SEMA3A: variants seen among roughly 807,000 people sequenced by gnomAD.
SEMA3A encodes the protein semaphorin 3A, also known as semaphorin-3A.
SEMA3A carries 29 observed loss-of-function variants against 97.9 expected under a neutral mutation model. The observed-to-expected ratio is 0.30, with a 90% CI of 0.22 to 0.40. The LOEUF is 0.40. SEMA3A is among the 10% of genes least tolerant of loss of function. The pLI is 1.00. For missense variants in SEMA3A, 763 were observed against 951.3 expected, an observed-to-expected ratio of 0.80 and a Z score of 2.60; for synonymous variants, 321 against 323.7, an observed-to-expected ratio of 0.99 and a Z score of 0.09.
At chr7:84,423,658 C>T (rs1054578032) in intron 1 of SEMA3A, among the ~76,000 whole-genome samples, 1 of 151,754 alleles carries the variant, frequency 6.6e-6, no homozygotes, top group African/African-American at 2.4e-5. Context: ...CTTTGTTTCC[C>T]CAAATGAATA....
At chr7:84,410,723 T>TAATTATATG (rs1804241253) in intron 1 of SEMA3A, among the ~76,000 whole-genome samples, 2 of 152,170 alleles carry the variant, frequency 1.3e-5, no homozygotes, top group South Asian at 4.1e-4. Flanking sequence ...TTAGAGATTC[T>TAATTATATG]AATTATATGT....
rs376126218 is a variant in SEMA3A, at chr7:84,432,697, G to C, written c.-246+59763C>G. ...GATAATTGTCTCCAGCTTCATTCATGTTGCTGCAAAAAGACATAATTTCAT... is the reference window on the plus strand; with the variant it reads ...GATAATTGTCTCCAGCTTCATTCATCTTGCTGCAAAAAGACATAATTTCAT... On this transcript the variant is annotated intron_variant, in intron 1 of 3. Transcript: ENST00000424555. Among the ~76,000 whole-genome samples, 105 of 152,146 alleles carry C rather than the reference G, an allele frequency of 6.9e-4. 1 individual carries two copies. The highest frequency in any genetic ancestry group is 2.3e-3 in the African/African-American group (97 of 41,518).
At chr7:84,224,023 G>T (rs1584142399) in intron 3 of SEMA3A, among the ~76,000 whole-genome samples, 1 of 151,822 alleles carries the variant, frequency 6.6e-6, no homozygotes, top group African/African-American at 2.4e-5. Flanking sequence ...TATTTAAAAA[G>T]GGGTTAATAG....
intron 1 of SEMA3A, among the ~76,000 whole-genome samples, chr7:84,174,887 A>G (rs1343366028): frequency 6.6e-6 from 1 of 152,216 alleles, no homozygotes; most frequent in African/African-American, 2.4e-5. Context: ...ATTCTTGGAA[A>G]CATAATATTT....
At chr7:83,985,901 G>T (rs963079612) in intron 12 of SEMA3A, among the ~76,000 whole-genome samples, 1 of 152,156 alleles carries the variant, frequency 6.6e-6, no homozygotes, top group Non-Finnish European at 1.5e-5. Flanking sequence ...AAGTATCTTC[G>T]TAAATCATTT....
At chr7:84,336,951 C>A (rs919179197) in intron 2 of SEMA3A, among the ~76,000 whole-genome samples, 1 of 151,970 alleles carries the variant, frequency 6.6e-6, no homozygotes, top group Non-Finnish European at 1.5e-5. Flanking sequence ...ATGCCAACAC[C>A]TTCCCTAGAC....
exon 3 of SEMA3A, chr7:84,307,216 G>A (rs1056173111): frequency 1.3e-5 from 2 of 151,848 alleles, no homozygotes; most frequent in African/African-American, 4.8e-5. Flanking sequence ...CCTTCTTTTA[G>A]GAAAAATTCT....
intron 2 of SEMA3A, among the ~76,000 whole-genome samples, chr7:84,326,359 A>G (rs1322059596): frequency 6.6e-6 from 1 of 152,148 alleles, no homozygotes; most frequent in Non-Finnish European, 1.5e-5. Flanking sequence ...TAAGTGTTCT[A>G]TGAAGCATAA....
At chr7:83,992,518 G>T (rs964799913) in intron 12 of SEMA3A, among the ~76,000 whole-genome samples, 1 of 151,914 alleles carries the variant, frequency 6.6e-6, no homozygotes, top group East Asian at 1.9e-4. Flanking sequence ...GGTATGTTGT[G>T]TCTTTGTTGT....
At chr7:84,377,857 G>C (rs1803147396) in intron 1 of SEMA3A, among the ~76,000 whole-genome samples, 1 of 152,160 alleles carries the variant, frequency 6.6e-6, no homozygotes, top group African/African-American at 2.4e-5. Context: ...TCAACAGATG[G>C]TCTAATTTAT....
Position 84,028,327 on chromosome 7 carries a change from G to A in SEMA3A, c.668-13976C>T, listed in dbSNP as rs555070539. Among the ~76,000 whole-genome samples the A allele has an allele frequency of 1.5e-4, 23 of 152,268 alleles. No homozygotes were observed. The South Asian group carries it at 2.3e-3, about 15-fold the overall frequency. On this transcript the variant is annotated intron_variant, in intron 6 of 16. Transcript: ENST00000265362. Reference sequence around the variant, plus strand: ...AGGAAAGGTGAACTTAGGTGAATATGAGGACTAAGGCAAAACTAAGAAAAT... The same window carrying A: ...AGGAAAGGTGAACTTAGGTGAATATAAGGACTAAGGCAAAACTAAGAAAAT...
chr7:84,217,008 A>G (rs192054502), intron 3 of SEMA3A, among the ~76,000 whole-genome samples: 93 of 152,350 alleles, frequency 6.1e-4, no homozygotes, highest in African/African-American at 2.2e-3. Flanking sequence ...TAATTGTGCC[A>G]AAACAGCAGC....
intron 1 of SEMA3A, among the ~76,000 whole-genome samples, chr7:84,398,548 A>AT (rs1803803670): frequency 6.6e-6 from 1 of 152,158 alleles, no homozygotes; most frequent in Non-Finnish European, 1.5e-5. Flanking sequence ...GCTTGAGACC[A>AT]GGAATTTGAC....
chr7:84,491,757 C>T (rs576133035), intron 1 of SEMA3A, among the ~76,000 whole-genome samples: 2 of 152,188 alleles, frequency 1.3e-5, no homozygotes, highest in East Asian at 1.9e-4. Flanking sequence ...GCAAAATAAA[C>T]GCAATGTGAA....
intron 1 of SEMA3A, among the ~76,000 whole-genome samples, chr7:84,168,972 ATGTC>A (rs1324701243): frequency 2.6e-5 from 4 of 151,792 alleles, no homozygotes; most frequent in African/African-American, 9.7e-5. Flanking sequence ...ACATACATTA[ATGTC>A]ACCTGACATG....
At chr7:84,471,467 T>G (rs549699482) in intron 1 of SEMA3A, among the ~76,000 whole-genome samples, 13 of 152,264 alleles carry the variant, frequency 8.5e-5, no homozygotes, top group African/African-American at 3.1e-4. Flanking sequence ...AAATGTTGCT[T>G]AATGTAATAC....
chr7:84,406,411 T>C (rs1410000271), intron 1 of SEMA3A, among the ~76,000 whole-genome samples: 16 of 151,806 alleles, frequency 1.1e-4, no homozygotes, highest in African/African-American at 3.6e-4. Flanking sequence ...TAATTAATAG[T>C]TTACCAACCA....
At chr7:84,135,020 A>G (rs1796080959) in intron 1 of SEMA3A, 69 bp from the exon 2 acceptor site, 2 of 1,282,438 alleles carry the variant, frequency 1.6e-6, no homozygotes, top group South Asian at 1.4e-5. Flanking sequence ...CTGTTGGTAC[A>G]TGGTAACCTG....
chr7:84,450,638 G>A (rs1805530799), intron 1 of SEMA3A, among the ~76,000 whole-genome samples: 1 of 152,148 alleles, frequency 6.6e-6, no homozygotes, highest in African/African-American at 2.4e-5. Context: ...TTTGTAAGTA[G>A]TAAATTTACT....
Sources: allele counts gnomAD v4.1 joint callset (sites outside exome capture counted in the v4.1 genomes callset), GRCh38; gene constraint gnomAD v4.1.1; transcripts MANE v1.5; gene names NCBI Gene and HGNC (gene_info 2026-07-23, HGNC 2026-07-21).